AJAP1: variants seen among roughly 807,000 people sequenced by gnomAD.
AJAP1 encodes adherens junction-associated protein 1.
In AJAP1, 5 loss-of-function variants were observed where a neutral mutation model predicts 35.0. That is an observed-to-expected ratio of 0.14 (90% confidence interval 0.07 to 0.30). The LOEUF (loss-of-function observed/expected upper bound fraction) is 0.30. AJAP1 is among the 10% of genes least tolerant of loss of function. The probability of loss-of-function intolerance (pLI) is 1.00; values close to 1 mark genes in which losing one functional copy is unlikely to be tolerated. For missense variants in AJAP1, 586 were observed against 571.0 expected, an observed-to-expected ratio of 1.03 and a Z score of -0.27; for synonymous variants, 284 against 249.3, an observed-to-expected ratio of 1.14 and a Z score of -1.31.
intron 1 of AJAP1, among the ~76,000 whole-genome samples, chr1:4,682,572 C>A (rs964228507): frequency 1.3e-5 from 2 of 152,200 alleles, no homozygotes; most frequent in Non-Finnish European, 2.9e-5. Context: ...GTGATCTCTA[C>A]CCAAGACTGC....
intron 2 of AJAP1, among the ~76,000 whole-genome samples, chr1:4,762,656 T>A (rs1261320177): frequency 6.6e-6 from 1 of 152,210 alleles, no homozygotes; most frequent in African/African-American, 2.4e-5. Flanking sequence ...CTCATCCTTG[T>A]GCTGTGATAA....
At chr1:4,682,732 G>A (rs1639510484) in intron 1 of AJAP1, among the ~76,000 whole-genome samples, 1 of 152,114 alleles carries the variant, frequency 6.6e-6, no homozygotes, top group South Asian at 2.1e-4. Context: ...TGATAGTGGT[G>A]ATACTGGTGG....
chr1:4,735,642 C>T (rs1039319349), intron 2 of AJAP1, among the ~76,000 whole-genome samples: 29 of 142,674 alleles, frequency 2.0e-4, no homozygotes, highest in Middle Eastern at 3.6e-3. Context: ...ACAGTGGGCA[C>T]CTCTGCCTGC....
chr1:4,751,695 C>T (rs1641324179), intron 2 of AJAP1, among the ~76,000 whole-genome samples: 1 of 152,242 alleles, frequency 6.6e-6, no homozygotes, highest in Non-Finnish European at 1.5e-5. Context: ...CCAAAGAGCA[C>T]AGAGGCCTGG....
chr1:4,778,142 C>CGAG (rs1487389561), intron 5 of AJAP1, among the ~76,000 whole-genome samples: 1 of 152,192 alleles, frequency 6.6e-6, no homozygotes, highest in African/African-American at 2.4e-5. Context: ...CCAGGCCAGC[C>CGAG]GAGAATCTCC....
At position 4,772,463 on chromosome 1, in the gene AJAP1, G is replaced by GACGC; in HGVS notation, c.1101_1102insACGC (p.Tyr368ThrfsTer5). 6.2e-7 allele frequency: 1 copy of GACGC among 1,614,236 alleles called. No individual in the cohort carries two copies. Among genetic ancestry groups the GACGC allele is most frequent in the Non-Finnish European group, 8.5e-7 (1 of 1,180,044 alleles). ...AGTGCGTCAGGGCATCTGTGCCCGT[G>GACGC]TACACCGATGAGACGCTGCACTCGA... On this transcript the variant is annotated frameshift_variant, in exon 4 of 6. Coordinates refer to ENST00000378191, the MANE Select transcript of AJAP1 (RefSeq NM_018836.4). LOFTEE classifies it high-confidence loss of function.
chr1:4,775,866 C>A (rs775049748), intron 5 of AJAP1, among the ~76,000 whole-genome samples: 30 of 152,232 alleles, frequency 2.0e-4, no homozygotes, highest in Non-Finnish European at 3.5e-4. Context: ...TTGTCTGCCT[C>A]ACCGCAGCTC....
chr1:4,678,441 C>T (rs11810550), intron 1 of AJAP1, among the ~76,000 whole-genome samples: 9 of 152,322 alleles, frequency 5.9e-5, no homozygotes, highest in African/African-American at 2.2e-4. Flanking sequence ...GTGATCTCAT[C>T]AGAGGCTCAA....
At chr1:4,757,751 C>T (rs1641466696) in intron 2 of AJAP1, among the ~76,000 whole-genome samples, 1 of 152,214 alleles carries the variant, frequency 6.6e-6, no homozygotes, top group African/African-American at 2.4e-5. Flanking sequence ...TCCCCTACTG[C>T]AGCCTTTGGG....
chr1:4,745,645 A>C (rs982930998), intron 2 of AJAP1, among the ~76,000 whole-genome samples: 1 of 152,188 alleles, frequency 6.6e-6, no homozygotes, highest in South Asian at 2.1e-4. Context: ...CAGAGCACAG[A>C]GGATGGGAGA....
At chr1:4,766,049 A>G (rs1641677225) in intron 2 of AJAP1, among the ~76,000 whole-genome samples, 1 of 152,234 alleles carries the variant, frequency 6.6e-6, no homozygotes, top group African/African-American at 2.4e-5. Context: ...CAAAACTAAG[A>G]ATATGCTTTT....
At chr1:4,689,645 C>T (rs1000217191) in intron 1 of AJAP1, among the ~76,000 whole-genome samples, 8 of 152,324 alleles carry the variant, frequency 5.3e-5, no homozygotes, top group South Asian at 2.1e-4. Context: ...TTGGAGGATC[C>T]GTTTCCTCCG....
At chr1:4,689,110 T>G (rs563722948) in intron 1 of AJAP1, among the ~76,000 whole-genome samples, 27 of 152,240 alleles carry the variant, frequency 1.8e-4, no homozygotes, top group African/African-American at 5.5e-4. Context: ...GGCTTCGGTC[T>G]TCAGTTCCTG....
intron 2 of AJAP1, among the ~76,000 whole-genome samples, chr1:4,735,512 C>G (rs1376152316): frequency 6.6e-6 from 1 of 152,194 alleles, no homozygotes; most frequent in African/African-American, 2.4e-5. Flanking sequence ...CAGCTTTATT[C>G]TGCCTGTGGC....
intron 1 of AJAP1, among the ~76,000 whole-genome samples, chr1:4,688,387 C>T (rs994683457): frequency 1.3e-5 from 2 of 152,198 alleles, no homozygotes; most frequent in Non-Finnish European, 2.9e-5. Context: ...GACATTCAAA[C>T]ACGGTCTTAT....
intron 1 of AJAP1, among the ~76,000 whole-genome samples, chr1:4,664,927 A>G (rs1286764344): frequency 1.3e-5 from 2 of 152,156 alleles, no homozygotes; most frequent in Non-Finnish European, 2.9e-5. Context: ...GTTACTAGGC[A>G]GGGTCATTGT....
chr1:4,694,633 G>T (rs1182936846), intron 1 of AJAP1, among the ~76,000 whole-genome samples: 1 of 152,238 alleles, frequency 6.6e-6, no homozygotes, highest in Non-Finnish European at 1.5e-5. Flanking sequence ...CGTGGGTCAC[G>T]CGAGGGGTCT....
chr1:4,774,994 G>T (rs1157584835), intron 5 of AJAP1, among the ~76,000 whole-genome samples: 2 of 152,078 alleles, frequency 1.3e-5, no homozygotes, highest in South Asian at 2.1e-4. Context: ...CTTTACATCG[G>T]GGGAGGGCGC....
chr1:4,733,935 A>C (rs561379523), intron 2 of AJAP1, among the ~76,000 whole-genome samples: 221 of 152,098 alleles, frequency 1.5e-3, no homozygotes, highest in Non-Finnish European at 2.5e-3. Context: ...TGAGATGTGG[A>C]TCAAAGGAGG....
Sources: gnomAD v4.1 joint callset for allele counts (sites outside exome capture counted in the v4.1 genomes callset) on GRCh38, gnomAD v4.1.1 for gene constraint, MANE v1.5 for transcripts, NCBI Gene and HGNC (gene_info 2026-07-23, HGNC 2026-07-21) for gene names.